Variants in TRIO observed in about 807,000 individuals in gnomAD.
TRIO encodes triple functional domain protein.
In TRIO, 58 loss-of-function variants were observed where a neutral mutation model predicts 351.9. The observed-to-expected ratio is 0.16, with a 90% CI of 0.13 to 0.21. The LOEUF is 0.21. TRIO is among the 10% of genes least tolerant of loss of function. The probability of loss-of-function intolerance (pLI) is 1.00; values close to 1 mark genes in which losing one functional copy is unlikely to be tolerated. For missense variants in TRIO, 3,201 were observed against 4,027.8 expected, an observed-to-expected ratio of 0.79 and a Z score of 5.56; for synonymous variants, 1,758 against 1,595.7, an observed-to-expected ratio of 1.10 and a Z score of -2.42.
intron 3 of TRIO, among the ~76,000 whole-genome samples, chr5:14,281,875 C>T (rs1040921607): frequency 1.3e-5 from 2 of 152,142 alleles, no homozygotes; most frequent in South Asian, 4.1e-4. Context: ...ATGGTAACAG[C>T]ATAATGGGTT....
At chr5:14,313,443 C>A (rs1229191038) in intron 8 of TRIO, among the ~76,000 whole-genome samples, 3 of 152,182 alleles carry the variant, frequency 2.0e-5, no homozygotes, top group Non-Finnish European at 4.4e-5. Context: ...GCTTAGAGTA[C>A]TCCATTCTCA....
chr5:14,260,421 TAGGGG>T (rs1282234639), intron 1 of TRIO, among the ~76,000 whole-genome samples: 2 of 152,228 alleles, frequency 1.3e-5, no homozygotes, highest in Non-Finnish European at 1.5e-5. Context: ...ACATGCCATT[TAGGGG>T]AAAAATCTCT....
intron 28 of TRIO, 87 bp downstream of exon 28, chr5:14,394,217 A>G (rs1404689656): frequency 1.2e-6 from 1 of 858,710 alleles, no homozygotes; most frequent in Non-Finnish European, 1.7e-6. Context: ...ATTACCCTGA[A>G]TTTTTTGAAA....
chr5:14,387,698 A>T, intron 22 of TRIO, 34 bp from the exon 23 acceptor site: 2 of 1,611,554 alleles, frequency 1.2e-6, no homozygotes, highest in Non-Finnish European at 1.7e-6. Flanking sequence ...TGCTGATTTA[A>T]TTAACTGAGT....
At chr5:14,268,206 T>C (rs1305691715) in intron 1 of TRIO, among the ~76,000 whole-genome samples, 1 of 152,200 alleles carries the variant, frequency 6.6e-6, no homozygotes, top group Non-Finnish European at 1.5e-5. Context: ...AATTGAGACA[T>C]TTATTGAGTT....
chr5:14,235,974 C>T (rs544322100), intron 1 of TRIO, among the ~76,000 whole-genome samples: 1 of 152,056 alleles, frequency 6.6e-6, no homozygotes, highest in Non-Finnish European at 1.5e-5. Flanking sequence ...CCCTATAAAA[C>T]TGTACATTTT....
At chr5:14,347,682 G>A (rs1173840235) in intron 11 of TRIO, among the ~76,000 whole-genome samples, 3 of 152,254 alleles carry the variant, frequency 2.0e-5, no homozygotes, top group African/African-American at 7.2e-5. Flanking sequence ...TTGCAAGTGA[G>A]ACTGTCAGTG....
chr5:14,153,748 C>G (rs909115780), intron 1 of TRIO, among the ~76,000 whole-genome samples: 1 of 152,132 alleles, frequency 6.6e-6, no homozygotes, highest in African/African-American at 2.4e-5. Context: ...TACAAAGCCC[C>G]CTCCATGCCC....
intron 36 of TRIO, among the ~76,000 whole-genome samples, chr5:14,464,836 C>A (rs544825979): frequency 6.6e-6 from 1 of 152,112 alleles, no homozygotes; most frequent in Non-Finnish European, 1.5e-5. Context: ...GCAAACACGT[C>A]GTGTTTGCTA....
intron 43 of TRIO, among the ~76,000 whole-genome samples, chr5:14,480,279 T>C (rs984577589): frequency 2.6e-5 from 4 of 152,236 alleles, no homozygotes. Flanking sequence ...ATCATCTGTG[T>C]AACAAGTATA....
chr5:14,320,363 G>A (rs1030881477), intron 9 of TRIO, among the ~76,000 whole-genome samples: 2 of 152,128 alleles, frequency 1.3e-5, no homozygotes, highest in African/African-American at 4.8e-5. Flanking sequence ...GGCTGGCGTG[G>A]CTCTTCTTGG....
chr5:14,222,300 AG>A (rs1275964902), intron 1 of TRIO, among the ~76,000 whole-genome samples: 2 of 152,226 alleles, frequency 1.3e-5, no homozygotes, highest in African/African-American at 4.8e-5. Context: ...AAACCAAGAA[AG>A]TTGTGTGACT....
intron 1 of TRIO, among the ~76,000 whole-genome samples, chr5:14,211,603 T>TC (rs1278277885): frequency 2.0e-5 from 3 of 150,964 alleles, no homozygotes; most frequent in Admixed American, 2.0e-4. Context: ...TTTTTTTTTT[T>TC]TTTTTGTAAA....
intron 13 of TRIO, among the ~76,000 whole-genome samples, chr5:14,360,322 C>T (rs1401479568): frequency 6.6e-6 from 1 of 152,054 alleles, no homozygotes; most frequent in African/African-American, 2.4e-5. Context: ...TTTTTGATAC[C>T]ATGCGAGCAG....
chr5:14,181,634 G>A (rs1453599149), intron 1 of TRIO, among the ~76,000 whole-genome samples: 2 of 152,214 alleles, frequency 1.3e-5, no homozygotes, highest in Non-Finnish European at 2.9e-5. Flanking sequence ...CCCCCAGGCA[G>A]CTGCACTGCA....
chr5:14,174,817 A>G (rs1789310505), intron 1 of TRIO, among the ~76,000 whole-genome samples: 3 of 152,206 alleles, frequency 2.0e-5, no homozygotes, highest in Admixed American at 2.0e-4. Flanking sequence ...ATTTTCGTGG[A>G]TCTCAATAAA....
chr5:14,393,564 C>G (rs1747303594), intron 27 of TRIO, among the ~76,000 whole-genome samples: 1 of 152,108 alleles, frequency 6.6e-6, no homozygotes, highest in Non-Finnish European at 1.5e-5. Context: ...TGCTTCTTAC[C>G]AGTAACAAGC....
rs1452183452 is a variant in TRIO, at chr5:14,424,484, AAATT to A, written c.5203+4466_5203+4469del. On this transcript the variant is annotated intron_variant, in intron 34 of 56. Transcript: ENST00000344204. The stretch of plus-strand genomic sequence containing the variant: ...TATGAGTCATCTGCAGTGAATGAGA[AAATT>A]AAAGGGAAAAAAAACATGAGAAATA... 4.6e-5 allele frequency among the ~76,000 whole-genome samples: 7 copies of A among 152,200 alleles called. No individual in the cohort carries two copies. In the East Asian group the frequency reaches 1.3e-3, roughly 29 times the overall value.
chr5:14,220,051 T>TC (rs200423422), intron 1 of TRIO, among the ~76,000 whole-genome samples: 8 of 140,960 alleles, frequency 5.7e-5, no homozygotes, highest in African/African-American at 2.3e-4. Flanking sequence ...TTCTTCTTCT[T>TC]TTTTTTTTTT....
Sources: gnomAD v4.1 joint callset for allele counts (sites outside exome capture counted in the v4.1 genomes callset) on GRCh38, gnomAD v4.1.1 for gene constraint, MANE v1.5 for transcripts, NCBI Gene and HGNC (gene_info 2026-07-23, HGNC 2026-07-21) for gene names.